Variants in PCBP3 observed in about 807,000 individuals in gnomAD.
The protein encoded by PCBP3 is poly(rC)-binding protein 3.
A neutral mutation model predicts 52.7 loss-of-function variants in PCBP3; 25 were observed. That is an observed-to-expected ratio of 0.47 (90% CI 0.35 to 0.66). The LOEUF (loss-of-function observed/expected upper bound fraction) is 0.66. Among genes scored for constraint, PCBP3 ranks in the 30% least tolerant of loss-of-function variants. The pLI is 0.01. For synonymous variants in PCBP3, 162 were observed against 183.0 expected (o/e 0.89, Z 0.93); for missense variants, 391 against 490.3 (o/e 0.80, Z 1.91).
At chr21:45,926,659 A>G (rs886339315) in intron 13 of PCBP3, among the ~76,000 whole-genome samples, 3 of 152,228 alleles carry the variant, frequency 2.0e-5, no homozygotes, top group East Asian at 3.9e-4. Flanking sequence ...ACACAGTGCC[A>G]GGACGGTGGG....
intron 1 of PCBP3, among the ~76,000 whole-genome samples, chr21:45,646,879 G>T (rs1256856996): frequency 6.6e-6 from 1 of 152,196 alleles, no homozygotes; most frequent in Non-Finnish European, 1.5e-5. Flanking sequence ...CTTTCCTGGC[G>T]ATGGGATCTG....
chr21:45,832,814 C>T (rs1016194894), intron 4 of PCBP3, among the ~76,000 whole-genome samples: 21 of 152,116 alleles, frequency 1.4e-4, no homozygotes, highest in Non-Finnish European at 4.4e-5. Flanking sequence ...GCTGGGGAGG[C>T]CTCAGGAAAC....
At position 45,935,978 on chromosome 21, in the gene PCBP3, C is replaced by T. The variant is rs143070764; in HGVS notation, c.909+673C>T. Among the ~76,000 whole-genome samples, 542 of 152,330 alleles carry T rather than the reference C, an allele frequency of 3.6e-3. 3 individuals carry two copies. Among genetic ancestry groups the T allele is most frequent in the African/African-American group, 0.013 (528 of 41,562 alleles). ...GCCACATGTCCTTAAGGGATAGCTG[C>T]CAGAGCAGCAAGCAGAGTCCCTGTG... is the stretch of plus-strand genomic sequence containing the variant. On this transcript the variant is annotated intron_variant, in intron 16 of 17. Coordinates refer to ENST00000681687, the MANE Select transcript of PCBP3 (RefSeq NM_001384156.1).
chr21:45,812,270 C>T (rs1175798144), intron 4 of PCBP3, among the ~76,000 whole-genome samples: 1 of 152,176 alleles, frequency 6.6e-6, no homozygotes, highest in Non-Finnish European at 1.5e-5. Flanking sequence ...GACACAGCCT[C>T]GAGAGGTCCT....
intron 4 of PCBP3, among the ~76,000 whole-genome samples, chr21:45,816,745 T>C (rs1182502325): frequency 6.6e-6 from 1 of 150,386 alleles, no homozygotes; most frequent in Non-Finnish European, 1.5e-5. Context: ...ATGTTAACTT[T>C]TTTTTTTTTA....
chr21:45,660,453 C>T lies in PCBP3; in HGVS notation c.-278-8421C>T, dbSNP rs1033620226. Among the ~76,000 whole-genome samples the T allele has an allele frequency of 6.6e-5, 10 of 152,290 alleles. No individual in the cohort carries two copies. In the South Asian group the frequency reaches 1.9e-3, roughly 28 times the overall value. ...TATATTGGAATGTTTAATCCATTTA[C>T]ATTTAATGCAATTTTGACAAGGTGA... On this transcript the variant is annotated intron_variant, in intron 1 of 17. Coordinates refer to ENST00000681687, the MANE Select transcript of PCBP3 (RefSeq NM_001384156.1).
At chr21:45,767,502 T>A (rs925642114) in intron 4 of PCBP3, among the ~76,000 whole-genome samples, 5 of 152,240 alleles carry the variant, frequency 3.3e-5, no homozygotes, top group African/African-American at 1.2e-4. Flanking sequence ...TGAACATTCT[T>A]TTACAAGTTT....
At position 45,846,148 on chromosome 21, in the gene PCBP3, T is replaced by C. The variant is rs7279618; in HGVS notation, c.-125-3813T>C. ...ACTGCAGGAATGTGTCGTTCTGTCA[T>C]GTCACTCTCTCGATGTCTGGTCTCA... On this transcript the variant is annotated intron_variant, in intron 4 of 17. Transcript: ENST00000681687. Among the ~76,000 whole-genome samples, 1,185 of 152,352 alleles carry C rather than the reference T, an allele frequency of 7.8e-3. 15 individuals are homozygous for C. The highest frequency in any genetic ancestry group is 0.026 in the African/African-American group (1,098 of 41,586).
intron 4 of PCBP3, among the ~76,000 whole-genome samples, chr21:45,819,039 C>G (rs2093048916): frequency 6.6e-6 from 1 of 152,200 alleles, no homozygotes. Flanking sequence ...TCACAGAGTA[C>G]TTTTACTACA....
chr21:45,865,964 C>T (rs2094707769), intron 5 of PCBP3, among the ~76,000 whole-genome samples: 1 of 152,218 alleles, frequency 6.6e-6, no homozygotes, highest in South Asian at 2.1e-4. Flanking sequence ...GTCTCCAGGA[C>T]CCCCGCATGG....
At chr21:45,881,580 A>G (rs2095406934) in intron 5 of PCBP3, among the ~76,000 whole-genome samples, 1 of 152,176 alleles carries the variant, frequency 6.6e-6, no homozygotes, top group Non-Finnish European at 1.5e-5. Context: ...CCATCTCTAT[A>G]AAGAATTTAA....
At chr21:45,854,970 G>T (rs1369000191) in intron 5 of PCBP3, among the ~76,000 whole-genome samples, 3 of 152,232 alleles carry the variant, frequency 2.0e-5, no homozygotes, top group African/African-American at 7.2e-5. Flanking sequence ...CCCAGAAGAT[G>T]GCAGAAAGCT....
chr21:45,801,201 G>C lies in PCBP3; in HGVS notation c.-126+45749G>C, dbSNP rs1346386532. 2.6e-5 allele frequency among the ~76,000 whole-genome samples: 4 copies of C among 152,314 alleles called. No individual in the cohort carries two copies. In the East Asian group the frequency reaches 7.7e-4, roughly 29 times the overall value. ...ACATCCACTTCCCTGTGTGGATGGGGGTGTCATGAGGACCCTGGAGTGTTC... is the reference window on the plus strand; with the variant it reads ...ACATCCACTTCCCTGTGTGGATGGGCGTGTCATGAGGACCCTGGAGTGTTC... On this transcript the variant is annotated intron_variant, in intron 4 of 17. Coordinates refer to ENST00000681687, the MANE Select transcript of PCBP3 (RefSeq NM_001384156.1).
chr21:45,916,699 A>G (rs1181979071), intron 12 of PCBP3: 2 of 152,014 alleles, frequency 1.3e-5, no homozygotes, highest in African/African-American at 2.4e-5. Context: ...CCGCACAGCC[A>G]GGGGCTGGTA....
intron 5 of PCBP3, among the ~76,000 whole-genome samples, chr21:45,852,440 C>T (rs7282648): frequency 0.086 from 2,344 of 27,410 alleles, 654 homozygotes; most frequent in East Asian, 0.54. Context: ...ACCCTGACTT[C>T]TGTTCGGAAG....
At position 45,864,523 on chromosome 21, in the gene PCBP3, G is replaced by C. The variant is rs147231945; in HGVS notation, c.10+14428G>C. 3.2e-3 allele frequency among the ~76,000 whole-genome samples: 481 copies of C among 152,308 alleles called. 1 individual carries two copies. Among genetic ancestry groups the C allele is most frequent in the Middle Eastern group, 6.8e-3 (2 of 294 alleles). ...TTTTATATTTTCACCTATTGTAAAT[G>C]AACTAAAGTGTTCCCTTAGCTCAGG... On this transcript the variant is annotated intron_variant, in intron 5 of 17. Transcript: ENST00000681687.
intron 2 of PCBP3, among the ~76,000 whole-genome samples, chr21:45,678,643 G>A (rs569739597): frequency 2.5e-4 from 38 of 151,764 alleles, no homozygotes; most frequent in Non-Finnish European, 4.7e-4. Context: ...GCAATCTCAT[G>A]ATCAAACTTG....
Position 45,829,003 on chromosome 21 carries a change from T to G in PCBP3, c.-125-20958T>G, listed in dbSNP as rs2093378689. The G allele has an allele frequency of 1.3e-5, 2 of 152,318 alleles. No homozygotes were observed. The highest frequency in any genetic ancestry group is 2.9e-5 in the Non-Finnish European group (2 of 68,122). 9.4% of individuals were successfully genotyped at this position (152,318 alleles called of 1,614,324 possible). A position where few individuals can be genotyped will look rare whatever the true frequency, so the allele number is the denominator to read the frequency against. ...GTGTCTGACTTGTGTCTTCCCACATTTCACAGGTCGAACTTACCAGGTGAA... is the reference window on the plus strand; with the variant it reads ...GTGTCTGACTTGTGTCTTCCCACATGTCACAGGTCGAACTTACCAGGTGAA... On this transcript the variant is annotated intron_variant, in intron 4 of 17. Transcript: ENST00000681687. This position sits in a 1 kb window ranked among gnomAD's most constrained non-coding sequence, Gnocchi z 5.2.
intron 5 of PCBP3, among the ~76,000 whole-genome samples, chr21:45,860,045 G>A (rs1413422296): frequency 2.0e-5 from 3 of 152,146 alleles, no homozygotes; most frequent in East Asian, 1.9e-4. Flanking sequence ...GGGTGTCCTC[G>A]GCACCTGGAT....
Sources: allele counts gnomAD v4.1 joint callset (sites outside exome capture counted in the v4.1 genomes callset), GRCh38; gene constraint gnomAD v4.1.1; non-coding constraint Gnocchi (gnomAD v3.1); transcripts MANE v1.5; gene names NCBI Gene and HGNC (gene_info 2026-07-23, HGNC 2026-07-21).